Variants in VPS51 observed in about 807,000 individuals in gnomAD.
The protein encoded by VPS51 is VPS51 subunit of GARP complex, also known as vacuolar protein sorting-associated protein 51 homolog.
A neutral mutation model predicts 65.1 loss-of-function variants in VPS51; 55 were observed. The observed-to-expected ratio is 0.84, with a 90% CI of 0.68 to 1.06. The LOEUF (loss-of-function observed/expected upper bound fraction) is 1.06, where lower values mean the gene tolerates loss of function less well. Among genes scored for constraint, VPS51 ranks in the 50% least tolerant of loss-of-function variants. VPS51 has a pLI of 0.00. For missense variants in VPS51, 943 were observed against 1,101.6 expected (o/e 0.86, Z 2.04); for synonymous variants, 473 against 489.5 (o/e 0.97, Z 0.44).
Position 65,097,145 on chromosome 11 carries a change from A to C in VPS51, c.358+18A>C, listed in dbSNP as rs557697297. The stretch of plus-strand genomic sequence containing the variant: ...AGCCACAGGTGATCCCCACGGGGAC[A>C]CACCCTCCAAAGTCTCACAGCCCCC... On this transcript the variant is annotated intron_variant, in intron 2 of 9. Transcript: ENST00000279281. 5.0e-6 allele frequency: 8 copies of C among 1,613,532 alleles called. No homozygotes were observed. The South Asian group carries it at 6.6e-5, about 13-fold the overall frequency.
chr11:65,096,671 G>C, intron 1 of VPS51, 193 bp downstream of exon 1: 1 of 636,418 alleles, frequency 1.6e-6, no homozygotes, highest in Non-Finnish European at 2.7e-6. Context: ...GACTGGACTG[G>C]CCTGAGGTGA....
rs745904810 is a variant in VPS51 at position 65,107,747 on chromosome 11, G to T, written c.505+20G>T. 6.2e-7 allele frequency: 1 copy of T among 1,605,404 alleles called. No individual in the cohort carries two copies. Among genetic ancestry groups the T allele is most frequent in the East Asian group, 2.2e-5 (1 of 44,646 alleles). On this transcript the variant is annotated intron_variant, in intron 3 of 9. Transcript: ENST00000279281. This position sits in a 1 kb window ranked among gnomAD's most constrained non-coding sequence, Gnocchi z 4.0. ...TGGCAGGTGGGCGCTGCCGGGCAGG[G>T]CCTGCAGTGGGCCTTTCCTGGGGCT...
chr11:65,111,728 C>A lies in VPS51; in HGVS notation c.*141C>A. ...CTCCTCCTCTCGCTTGCTGGGCGGG[C>A]CTTTCCGGGGGCGGGGTTTTGAAGC... On this transcript the variant is annotated 3_prime_UTR_variant, in exon 10 of 10. Coordinates refer to ENST00000279281, the MANE Select transcript of VPS51 (RefSeq NM_013265.4). 1 of 1,356,538 alleles carries A rather than the reference C, an allele frequency of 7.4e-7. No individual in the cohort carries two copies. Among genetic ancestry groups the A allele is most frequent in the Non-Finnish European group, 9.7e-7 (1 of 1,027,228 alleles). The allele number at this position is 1,356,538 out of a possible 1,614,324, so 84.0% of individuals were successfully genotyped here. A position where few individuals can be genotyped will look rare whatever the true frequency, so the allele number is the denominator to read the frequency against.
intron 1 of VPS51, 40 bp downstream of exon 1, chr11:65,096,518 G>GGGGGCGGGGGGGGGGC: frequency 2.0e-6 from 1 of 499,412 alleles, no homozygotes; most frequent in Non-Finnish European, 3.7e-6. Flanking sequence ...GGGGAGGGGG[G>GGGGGCGGGGGGGGGGC]AAGGGAACCA....
Position 65,108,212 on chromosome 11 carries a change from C to T in VPS51, c.741C>T (p.Gly247=), listed in dbSNP as rs1209698789. 3 of 1,599,066 alleles carry T rather than the reference C, an allele frequency of 1.9e-6. No individual in the cohort carries two copies. In the East Asian group the frequency reaches 6.8e-5, roughly 36 times the overall value. The change falls in exon 5 of 10, where the codon GGC becomes GGT. Residue 247 remains glycine, a synonymous_variant. Coordinates refer to ENST00000279281, the MANE Select transcript of VPS51 (RefSeq NM_013265.4). ...CCTCGTGCAGGGAGGGCGGCTCAGG[C>T]GCCCCGGAGCAGGCAGAGTGCGTGG... ...LRQRFREGGS[G]APEQAECVEL...
At chr11:65,097,917 C>T (rs1313707157) in intron 2 of VPS51, among the ~76,000 whole-genome samples, 1 of 152,168 alleles carries the variant, frequency 6.6e-6, no homozygotes, top group Admixed American at 6.5e-5. Context: ...CACAGTGGCT[C>T]ATGCCTGTAA....
intron 2 of VPS51, among the ~76,000 whole-genome samples, chr11:65,102,929 C>T (rs1360231131): frequency 1.3e-5 from 2 of 152,162 alleles, no homozygotes; most frequent in African/African-American, 4.8e-5. Context: ...ATTGCTTGAG[C>T]CCAGAAGTTT....
intron 9 of VPS51, 53 bp downstream of exon 9, chr11:65,110,834 G>A (rs1444020728): frequency 1.9e-6 from 3 of 1,608,336 alleles, no homozygotes; most frequent in Non-Finnish European, 2.6e-6. Context: ...AGGGTTGGCT[G>A]GAGCAGCCCC....
chr11:65,097,045 C>T lies in VPS51; in HGVS notation c.276C>T (p.Asp92=), dbSNP rs1413639850. The change falls in exon 2 of 10, where the codon GAC becomes GAT. Residue 92 remains aspartate, a synonymous_variant. Coordinates refer to ENST00000279281, the MANE Select transcript of VPS51 (RefSeq NM_013265.4). Reference sequence around the variant, plus strand: ...CCCAGTTGATGGACAGTGAGACGGACATGGTGCGGCAGATCCGGGCTCTAG... The same window carrying T: ...CCCAGTTGATGGACAGTGAGACGGATATGGTGCGGCAGATCCGGGCTCTAG... ...PLAQLMDSET[D]MVRQIRALDS... The T allele has an allele frequency of 2.5e-6, 4 of 1,613,990 alleles. No homozygotes were observed. Among genetic ancestry groups the T allele is most frequent in the East Asian group, 2.2e-5 (1 of 44,876 alleles).
Position 65,096,221 on chromosome 11 carries a change from G to A in VPS51, c.-30G>A. On this transcript the variant is annotated 5_prime_UTR_variant, in exon 1 of 10. Coordinates refer to ENST00000279281, the MANE Select transcript of VPS51 (RefSeq NM_013265.4). The stretch of plus-strand genomic sequence containing the variant: ...CTCCTCCCCGTCCCCTTCCTTTCCA[G>A]CCTCACGCCCGTGGGCTGCAGTTGG... The A allele has an allele frequency of 6.6e-7, 1 of 1,520,760 alleles. No individual in the cohort carries two copies. Among genetic ancestry groups the A allele is most frequent in the Non-Finnish European group, 8.8e-7 (1 of 1,133,590 alleles). The allele number at this position is 1,520,760 out of a possible 1,614,324, so 94.2% of individuals were successfully genotyped here. A position where few individuals can be genotyped will look rare whatever the true frequency, so the allele number is the denominator to read the frequency against.
Position 65,108,218 on chromosome 11 carries a change from G to A in VPS51, c.747G>A (p.Pro249=), listed in dbSNP as rs1236327971. 1.3e-6 allele frequency: 2 copies of A among 1,599,718 alleles called. No individual in the cohort carries two copies. Among genetic ancestry groups the A allele is most frequent in the Admixed American group, 1.7e-5 (1 of 58,756 alleles). ...GCAGGGAGGGCGGCTCAGGCGCCCCGGAGCAGGCAGAGTGCGTGGAGCTGC... is the reference window on the plus strand; with the variant it reads ...GCAGGGAGGGCGGCTCAGGCGCCCCAGAGCAGGCAGAGTGCGTGGAGCTGC... ...QRFREGGSGA[P]EQAECVELLL... Residue 249 remains proline (P), a synonymous_variant, in exon 5 of 10, where the codon CCG becomes CCA. Coordinates refer to ENST00000279281, the MANE Select transcript of VPS51 (RefSeq NM_013265.4).
Position 65,110,650 on chromosome 11 carries a change from G to A in VPS51, c.2001-44G>A, listed in dbSNP as rs1263445021. The A allele has an allele frequency of 2.5e-6, 4 of 1,614,036 alleles. No individual in the cohort carries two copies. The Admixed American group carries it at 5.0e-5, about 20-fold the overall frequency. On this transcript the variant is annotated intron_variant, in intron 8 of 9. Coordinates refer to ENST00000279281, the MANE Select transcript of VPS51 (RefSeq NM_013265.4). ...CCAGGGGGAAGGGACAAAAGAGGGC[G>A]AGGGTGCAGGGCGGGCTCTGATTCC...
At position 65,111,811 on chromosome 11, in the gene VPS51, C is replaced by G. The variant is rs1311885809; in HGVS notation, c.*224C>G. On this transcript the variant is annotated 3_prime_UTR_variant, in exon 10 of 10. Transcript: ENST00000279281. ...CCCCGAGCGCCGATTGGCTGGTGTGCTGGGCCCAGCATGGGCAGGGGGCGG... is the reference window on the plus strand; with the variant it reads ...CCCCGAGCGCCGATTGGCTGGTGTGGTGGGCCCAGCATGGGCAGGGGGCGG... The G allele has an allele frequency of 6.4e-6, 6 of 942,542 alleles. No homozygotes were observed. The African/African-American group carries it at 1.0e-4, about 16-fold the overall frequency. The allele number at this position is 942,542 out of a possible 1,614,324, so 58.4% of individuals were successfully genotyped here.
At chr11:65,110,939 A>C in intron 9 of VPS51, 158 bp downstream of exon 9, 1 of 827,982 alleles carries the variant, frequency 1.2e-6, no homozygotes. Flanking sequence ...GGTAGTACAG[A>C]GTGCCCTGCC....
At position 65,108,467 on chromosome 11, in the gene VPS51, AGGTG is replaced by A; in HGVS notation, c.997_1000del (p.Gly333ProfsTer89). 1 of 1,609,726 alleles carries A rather than the reference AGGTG, an allele frequency of 6.2e-7. No homozygotes were observed. On this transcript the variant is annotated frameshift_variant, in exon 5 of 10. Transcript: ENST00000279281. LOFTEE classifies it high-confidence loss of function. ...AGCTGTTTGCGGCCCAGGGCCCAGC[AGGTG>A]CCGAGAAGCTGGCGGCCTTCGCCCG...
At chr11:65,110,371 C>T (rs1947884943) in intron 7 of VPS51, 111 bp from the exon 8 acceptor site, 2 of 1,574,110 alleles carry the variant, frequency 1.3e-6, no homozygotes, top group East Asian at 2.2e-5. Context: ...GCGGTGATTA[C>T]CCTGTGATCC....
intron 2 of VPS51, among the ~76,000 whole-genome samples, chr11:65,098,850 G>A (rs926181934): frequency 2.0e-5 from 3 of 152,184 alleles, no homozygotes; most frequent in South Asian, 2.1e-4. Context: ...AGGAACAAAC[G>A]TTTGGAAAAG....
chr11:65,096,269 G>C lies in VPS51; in HGVS notation c.19G>C (p.Ala7Pro), dbSNP rs962847102. The C allele has an allele frequency of 1.3e-6, 2 of 1,517,148 alleles. No homozygotes were observed. Among genetic ancestry groups the C allele is most frequent in the Non-Finnish European group, 8.8e-7 (1 of 1,136,756 alleles). 94.0% of individuals were successfully genotyped at this position (1,517,148 alleles called of 1,614,324 possible). The change falls in exon 1 of 10, where the codon GCC (alanine) becomes CCC (proline). Residue 7 changes from alanine (A) to proline (P), a missense_variant. Ala to Pro is a conservative substitution (Grantham distance 27, BLOSUM62 -1). Transcript: ENST00000279281. Reference protein sequence around the residue: MAAAAAAGPSPGSGPGD... With the variant: MAAAAAPGPSPGSGPGD... ...TGGAACGATGGCGGCGGCAGCTGCC[G>C]CCGGGCCTAGCCCGGGGTCTGGACC...
rs1380018808 is a variant in VPS51, at chr11:65,109,940, C to T, written c.1878+17C>T. 7.6e-6 allele frequency: 12 copies of T among 1,573,594 alleles called. No individual in the cohort carries two copies. The highest frequency in any genetic ancestry group is 1.0e-5 in the Non-Finnish European group (12 of 1,163,744). ...GACGTGCAGGTGCTGCCCAGGCTGG[C>T]CGGGGTAGCCCTGACGCAGGCTGGG... is the stretch of plus-strand genomic sequence containing the variant. On this transcript the variant is annotated intron_variant, in intron 7 of 9. Coordinates refer to ENST00000279281, the MANE Select transcript of VPS51 (RefSeq NM_013265.4).
Sources: gnomAD v4.1 joint callset for allele counts (sites outside exome capture counted in the v4.1 genomes callset) on GRCh38, gnomAD v4.1.1 for gene constraint, Gnocchi (gnomAD v3.1) non-coding constraint, MANE v1.5 for transcripts, NCBI Gene and HGNC (gene_info 2026-07-23, HGNC 2026-07-21) for gene names.